Variants in KCNC2 observed in about 807,000 individuals in gnomAD.
KCNC2 encodes voltage-gated potassium channel KCNC2.
In KCNC2, 21 loss-of-function variants were observed where a neutral mutation model predicts 44.5. That is an observed-to-expected ratio of 0.47 (90% CI 0.33 to 0.68). The LOEUF is 0.68. Among genes scored for constraint, KCNC2 ranks in the 30% least tolerant of loss-of-function variants. KCNC2 has a pLI of 0.01. For synonymous variants in KCNC2, 391 were observed against 339.1 expected, an observed-to-expected ratio of 1.15 and a Z score of -1.68; for missense variants, 589 against 826.2, an observed-to-expected ratio of 0.71 and a Z score of 3.52.
chr12:75,069,342 G>C (rs1438120943), intron 2 of KCNC2, among the ~76,000 whole-genome samples: 3 of 151,634 alleles, frequency 2.0e-5, no homozygotes, highest in African/African-American at 7.3e-5. Flanking sequence ...CTCCATGTTG[G>C]TCAGGCTGGT....
intron 2 of KCNC2, among the ~76,000 whole-genome samples, chr12:75,192,326 T>C (rs1017088907): frequency 6.6e-6 from 1 of 152,216 alleles, no homozygotes; most frequent in African/African-American, 2.4e-5. Context: ...ATCAGTGCCA[T>C]CTATTATTGT....
chr12:75,089,851 C>G (rs941604154), intron 2 of KCNC2, among the ~76,000 whole-genome samples: 1 of 151,720 alleles, frequency 6.6e-6, no homozygotes, highest in Non-Finnish European at 1.5e-5. Context: ...ACATTTCAAG[C>G]GCTCAACAAA....
chr12:75,053,641 T>C (rs754526552), intron 2 of KCNC2, among the ~76,000 whole-genome samples: 17 of 151,546 alleles, frequency 1.1e-4, no homozygotes, highest in African/African-American at 4.1e-4. Flanking sequence ...ATTCTGTATA[T>C]CTTTAGCTTT....
intron 2 of KCNC2, among the ~76,000 whole-genome samples, chr12:75,105,783 G>A (rs114646372): frequency 2.9e-4 from 44 of 152,242 alleles, no homozygotes; most frequent in African/African-American, 9.6e-4. Context: ...CCATGATTTC[G>A]TTTTGGGACA....
chr12:75,104,730 T>C (rs917338107), intron 2 of KCNC2, among the ~76,000 whole-genome samples: 68 of 152,218 alleles, frequency 4.5e-4, no homozygotes, highest in African/African-American at 1.6e-3. Flanking sequence ...TTTGTATATA[T>C]AGTAGATACG....
intron 2 of KCNC2, among the ~76,000 whole-genome samples, chr12:75,084,605 G>T (rs1795726669): frequency 6.6e-6 from 1 of 151,824 alleles, no homozygotes; most frequent in Non-Finnish European, 1.5e-5. Flanking sequence ...TGATTCTGAG[G>T]TCTCCCCAAA....
intron 2 of KCNC2, among the ~76,000 whole-genome samples, chr12:75,062,981 G>T (rs1417304322): frequency 6.6e-6 from 1 of 152,000 alleles, no homozygotes; most frequent in Non-Finnish European, 1.5e-5. Context: ...TGTGCTGAAA[G>T]CTCTTTGTTA....
chr12:75,126,405 T>C (rs779997410), intron 2 of KCNC2, among the ~76,000 whole-genome samples: 5 of 152,222 alleles, frequency 3.3e-5, no homozygotes, highest in Non-Finnish European at 5.9e-5. Context: ...TGTCAGACAC[T>C]GTACAAGGTG....
At chr12:75,173,415 T>C (rs1251059571) in intron 2 of KCNC2, among the ~76,000 whole-genome samples, 1 of 151,880 alleles carries the variant, frequency 6.6e-6, no homozygotes, top group Non-Finnish European at 1.5e-5. Flanking sequence ...ACATGAATCA[T>C]TTCTTCTTCC....
intron 2 of KCNC2, among the ~76,000 whole-genome samples, chr12:75,055,751 G>A (rs1032495933): frequency 3.3e-5 from 5 of 151,924 alleles, no homozygotes; most frequent in African/African-American, 9.7e-5. Flanking sequence ...TCCAATCAGT[G>A]ACCATGAGTT....
chr12:75,058,620 G>A (rs943770032), intron 2 of KCNC2, among the ~76,000 whole-genome samples: 1 of 152,002 alleles, frequency 6.6e-6, no homozygotes, highest in Non-Finnish European at 1.5e-5. Context: ...TTAGCACTAT[G>A]GCACTGCAGT....
At chr12:75,096,536 A>G (rs1885939661) in intron 2 of KCNC2, among the ~76,000 whole-genome samples, 1 of 152,040 alleles carries the variant, frequency 6.6e-6, no homozygotes, top group South Asian at 2.1e-4. Flanking sequence ...TCATATGGAC[A>G]ACTTGTTATT....
At position 75,062,682 on chromosome 12, in the gene KCNC2, T is replaced by C. The variant is rs539566908; in HGVS notation, c.688-11365A>G. 7.9e-5 allele frequency among the ~76,000 whole-genome samples: 12 copies of C among 152,182 alleles called. 1 individual carries two copies. The South Asian group carries it at 2.5e-3, about 32-fold the overall frequency. ...TTTCAGCTAGATTTTTTTTAAATGA[T>C]TGTTTTCATAGATTATTTAACTCAT... On this transcript the variant is annotated intron_variant, in intron 2 of 4. Coordinates refer to ENST00000549446, the MANE Select transcript of KCNC2 (RefSeq NM_139137.4).
At chr12:75,189,821 C>G (rs980094699) in intron 2 of KCNC2, among the ~76,000 whole-genome samples, 12 of 152,212 alleles carry the variant, frequency 7.9e-5, no homozygotes, top group Non-Finnish European at 1.3e-4. Flanking sequence ...GGGTTGTCAG[C>G]TGCGCTCTGC....
chr12:75,178,255 A>G (rs1053354678), intron 2 of KCNC2, among the ~76,000 whole-genome samples: 3 of 152,060 alleles, frequency 2.0e-5, no homozygotes, highest in Non-Finnish European at 4.4e-5. Context: ...CCACTGTACC[A>G]AAGAAATTAG....
Position 75,187,376 on chromosome 12 carries a change from T to C in KCNC2, c.687+19921A>G, listed in dbSNP as rs72652871. On this transcript the variant is annotated intron_variant, in intron 2 of 4. Transcript: ENST00000549446. ...ATGTTTGGAAGTCCTCTGTTGGAAC[T>C]TACTTCAAATGACAATTTACCAAAC... Among the ~76,000 whole-genome samples the C allele has an allele frequency of 7.0e-3, 1,060 of 152,360 alleles. 64 individuals are homozygous for C. In the East Asian group the frequency reaches 0.15, roughly 21 times the overall value.
intron 2 of KCNC2, among the ~76,000 whole-genome samples, chr12:75,104,837 C>T (rs997000878): frequency 6.6e-6 from 1 of 152,108 alleles, no homozygotes; most frequent in Non-Finnish European, 1.5e-5. Flanking sequence ...GGCAGTATGG[C>T]TCCAGACTCA....
Position 75,093,235 on chromosome 12 carries a change from A to C in KCNC2, c.688-41918T>G, listed in dbSNP as rs569001759. ...ACAATTCATAAAGTAGATTAAATTT[A>C]GGAACATCTTTTAGAATCTGTTCTC... On this transcript the variant is annotated intron_variant, in intron 2 of 4. Transcript: ENST00000549446. 2.0e-5 allele frequency among the ~76,000 whole-genome samples: 3 copies of C among 151,838 alleles called. No individual in the cohort carries two copies. In the East Asian group the frequency reaches 5.8e-4, roughly 29 times the overall value.
intron 2 of KCNC2, among the ~76,000 whole-genome samples, chr12:75,091,565 G>A (rs890665266): frequency 4.6e-5 from 7 of 151,620 alleles, no homozygotes; most frequent in African/African-American, 1.7e-4. Flanking sequence ...GAAACCTAGC[G>A]GGAAAGTTGG....
Sources: gnomAD v4.1 joint callset for allele counts (sites outside exome capture counted in the v4.1 genomes callset) on GRCh38, gnomAD v4.1.1 for gene constraint, MANE v1.5 for transcripts, NCBI Gene and HGNC (gene_info 2026-07-23, HGNC 2026-07-21) for gene names.